Variants in POU6F2 observed in about 807,000 individuals in gnomAD.
The protein encoded by POU6F2 is POU class 6 homeobox 2, also known as POU domain, class 6, transcription factor 2.
Under a neutral mutation model 71.3 loss-of-function variants are expected in POU6F2, and 31 were observed. The observed-to-expected ratio is 0.43, with a 90% CI of 0.33 to 0.59. POU6F2 has a LOEUF of 0.59. Ranked by LOEUF, POU6F2 falls within the 20% of genes least tolerant of loss-of-function variation. POU6F2 has a pLI of 0.04. For synonymous variants in POU6F2, 347 were observed against 355.7 expected (o/e 0.98, Z 0.27); for missense variants, 783 against 856.8 (o/e 0.91, Z 1.07).
intron 2 of POU6F2, among the ~76,000 whole-genome samples, chr7:39,109,696 T>C (rs1791764200): frequency 6.6e-6 from 1 of 152,254 alleles, no homozygotes; most frequent in Non-Finnish European, 1.5e-5. Flanking sequence ...GTATGTCTGG[T>C]ATACTCATTA....
chr7:39,373,596 C>A, intron 5 of POU6F2: 1 of 454,738 alleles, frequency 2.2e-6, no homozygotes, highest in South Asian at 1.6e-5. Context: ...CCTACCTAGT[C>A]TAGCTAACTG....
rs140796136 is a variant in POU6F2 at position 39,443,875 on chromosome 7, A to G, written c.1321-7658A>G. On this transcript the variant is annotated intron_variant, in intron 7 of 9. Transcript: ENST00000518318. ...TTATTTTTTCATGTGATTTACGACA[A>G]ATGTGTGATCTCACAAGAGCATAGT... Among the ~76,000 whole-genome samples the G allele has an allele frequency of 2.0e-5, 3 of 152,358 alleles. No individual in the cohort carries two copies. The East Asian group carries it at 5.8e-4, about 29-fold the overall frequency.
chr7:39,176,096 G>A (rs1562734318), intron 2 of POU6F2, among the ~76,000 whole-genome samples: 1 of 151,954 alleles, frequency 6.6e-6, no homozygotes, highest in Non-Finnish European at 1.5e-5. Context: ...TGCTTTTATT[G>A]GCCAGCAACA....
intron 1 of POU6F2, among the ~76,000 whole-genome samples, chr7:39,017,671 C>T (rs1204191289): frequency 6.6e-6 from 1 of 152,146 alleles, no homozygotes; most frequent in Non-Finnish European, 1.5e-5. Context: ...CCATACCGGG[C>T]GTTCCTGCAG....
intron 1 of POU6F2, among the ~76,000 whole-genome samples, chr7:39,000,613 C>A (rs1385568338): frequency 1.3e-5 from 2 of 151,996 alleles, no homozygotes; most frequent in African/African-American, 4.8e-5. Flanking sequence ...GCATTCATAG[C>A]CCTGGCCTCA....
intron 7 of POU6F2, among the ~76,000 whole-genome samples, chr7:39,445,993 T>C (rs1055958720): frequency 6.6e-6 from 1 of 152,204 alleles, no homozygotes; most frequent in South Asian, 2.1e-4. Context: ...GCTTACTAAA[T>C]TAGAAAGTCA....
At chr7:39,148,146 G>C (rs574312798) in intron 2 of POU6F2, among the ~76,000 whole-genome samples, 2 of 152,190 alleles carry the variant, frequency 1.3e-5, no homozygotes, top group Admixed American at 6.5e-5. Context: ...GCACAGAACA[G>C]AAAGGAATTT....
intron 8 of POU6F2, among the ~76,000 whole-genome samples, chr7:39,455,632 A>G (rs778188982): frequency 6.6e-6 from 1 of 152,202 alleles, no homozygotes; most frequent in Non-Finnish European, 1.5e-5. Flanking sequence ...GGAATCATAG[A>G]AAGATGATGT....
At chr7:39,069,114 A>G (rs1244082454) in intron 1 of POU6F2, among the ~76,000 whole-genome samples, 2 of 152,102 alleles carry the variant, frequency 1.3e-5, no homozygotes, top group South Asian at 2.1e-4. Flanking sequence ...ATAGTTGACA[A>G]TGGGTGGGGA....
chr7:39,122,739 A>T (rs6979829), intron 2 of POU6F2, among the ~76,000 whole-genome samples: 6 of 137,742 alleles, frequency 4.4e-5, no homozygotes, highest in Non-Finnish European at 3.1e-5. Flanking sequence ...ATGGAATCTT[A>T]CTCTGTGGTC....
chr7:39,246,905 CT>C (rs398004470), intron 4 of POU6F2, among the ~76,000 whole-genome samples: 107 of 78,160 alleles, frequency 1.4e-3, no homozygotes, highest in South Asian at 5.6e-3. Context: ...TCCAGGGTGG[CT>C]TTTTTTTTTT....
intron 7 of POU6F2, among the ~76,000 whole-genome samples, chr7:39,444,789 G>T (rs1351090689): frequency 6.6e-6 from 1 of 152,132 alleles, no homozygotes; most frequent in African/African-American, 2.4e-5. Context: ...TCCCCTAATT[G>T]CCCCGTGCCT....
intron 4 of POU6F2, among the ~76,000 whole-genome samples, chr7:39,225,129 A>G (rs891467373): frequency 2.6e-5 from 4 of 152,356 alleles, no homozygotes; most frequent in African/African-American, 9.6e-5. Context: ...CAGGAATGTT[A>G]TCAAACATAA....
At chr7:39,155,190 A>G (rs1292136905) in intron 2 of POU6F2, among the ~76,000 whole-genome samples, 2 of 150,824 alleles carry the variant, frequency 1.3e-5, no homozygotes, top group South Asian at 2.1e-4. Context: ...AAAGGAACTG[A>G]TCAACTTTTA....
chr7:39,363,607 C>T (rs1410020227), intron 5 of POU6F2, among the ~76,000 whole-genome samples: 1 of 149,206 alleles, frequency 6.7e-6, no homozygotes, highest in Non-Finnish European at 1.5e-5. Flanking sequence ...CCCTGGAGCA[C>T]CCCAACTTTA....
At chr7:38,981,786 G>A (rs1788322484) in intron 1 of POU6F2, among the ~76,000 whole-genome samples, 1 of 152,172 alleles carries the variant, frequency 6.6e-6, no homozygotes, top group South Asian at 2.1e-4. Context: ...CATGTGAAGT[G>A]TTGTAAAGTT....
chr7:39,226,205 G>A (rs1425466271), intron 4 of POU6F2, among the ~76,000 whole-genome samples: 1 of 152,134 alleles, frequency 6.6e-6, no homozygotes, highest in Non-Finnish European at 1.5e-5. Context: ...AGTCCCATCT[G>A]GAAGAATTCT....
intron 1 of POU6F2, among the ~76,000 whole-genome samples, chr7:39,081,874 G>A (rs1264772003): frequency 6.6e-6 from 1 of 152,122 alleles, no homozygotes; most frequent in Non-Finnish European, 1.5e-5. Flanking sequence ...ACGCCTACTG[G>A]GTAAAAAAGG....
chr7:39,440,377 A>G (rs991023381), intron 7 of POU6F2, among the ~76,000 whole-genome samples: 2 of 151,996 alleles, frequency 1.3e-5, no homozygotes, highest in African/African-American at 4.8e-5. Flanking sequence ...GGCTTTCTTC[A>G]TTCCTTTTCT....
Sources: allele counts gnomAD v4.1 joint callset (sites outside exome capture counted in the v4.1 genomes callset), GRCh38; gene constraint gnomAD v4.1.1; transcripts MANE v1.5; gene names NCBI Gene and HGNC (gene_info 2026-07-23, HGNC 2026-07-21).